The following ZIM2 variants were observed in gnomAD, a reference collection of about 807,000 sequenced individuals.
The protein encoded by ZIM2 is zinc finger protein 656.
In ZIM2, 14 loss-of-function variants were observed where a neutral mutation model predicts 38.6. The observed-to-expected ratio is 0.36, with a 90% CI of 0.24 to 0.57. The LOEUF is 0.57. ZIM2 is among the 20% of genes least tolerant of loss of function. The pLI, the probability that ZIM2 is intolerant of heterozygous loss-of-function variation, is 0.81. For missense variants in ZIM2, 680 were observed against 695.1 expected (o/e 0.98, Z 0.24); for synonymous variants, 247 against 245.8 (o/e 1.00, Z -0.04).
chr19:56,828,753 C>T (rs935841225), intron 2 of ZIM2, among the ~76,000 whole-genome samples: 1 of 152,190 alleles, frequency 6.6e-6, no homozygotes, highest in East Asian at 1.9e-4. Context: ...CACTAATACA[C>T]AGAGTTCCTA....
At chr19:56,806,353 T>G (rs1430392752) in intron 9 of ZIM2, among the ~76,000 whole-genome samples, 1 of 152,180 alleles carries the variant, frequency 6.6e-6, no homozygotes, top group Non-Finnish European at 1.5e-5. Context: ...AATACATGGC[T>G]TCCCTTTTTT....
At chr19:56,815,688 C>T (rs1324290677) in intron 9 of ZIM2, 7 of 1,614,016 alleles carry the variant, frequency 4.3e-6, no homozygotes, top group Non-Finnish European at 5.9e-6. Flanking sequence ...ATTCGCCATC[C>T]TTCTTAAACT....
At chr19:56,822,539 T>G in intron 6 of ZIM2, 2 of 512,326 alleles carry the variant, frequency 3.9e-6, no homozygotes, top group South Asian at 3.5e-5. Flanking sequence ...ACTGAGCAAA[T>G]AGTTTAGGTG....
intron 6 of ZIM2, among the ~76,000 whole-genome samples, chr19:56,822,306 T>C (rs1023948243): frequency 3.9e-5 from 6 of 152,308 alleles, no homozygotes; most frequent in Admixed American, 6.5e-5. Flanking sequence ...GGTGTGATGA[T>C]TGATTCCCTT....
chr19:56,809,683 T>C (rs2047969745), intron 9 of ZIM2, among the ~76,000 whole-genome samples: 1 of 152,140 alleles, frequency 6.6e-6, no homozygotes, highest in Non-Finnish European at 1.5e-5. Context: ...CAGGCAAGAG[T>C]CAGGAATAAA....
In ZIM2 at chr19:56,775,430, C is replaced by T. The variant is rs146296476; in HGVS notation, c.935G>A (p.Arg312Lys). 4.4e-5 allele frequency: 71 copies of T among 1,614,096 alleles called. No individual in the cohort carries two copies. The East Asian group carries it at 1.6e-3, about 35-fold the overall frequency. Residue 312 changes from arginine to lysine, a missense_variant, in exon 13 of 13, where the codon AGA becomes AAA. By Grantham distance (26) the Arg-to-Lys change is conservative. Coordinates refer to ENST00000629319, the MANE Select transcript of ZIM2 (RefSeq NM_001387356.1). ...MNDPKTLTPE[R>K]SYGSDEFERS... is the part of the protein sequence containing the mutation. ...CTCAAATTCATCACTGCCATAGCTT[C>T]TTTCCGGAGTGAGGGTCTTGGGGTC... is the stretch of plus-strand genomic sequence containing the variant.
intron 10 of ZIM2, among the ~76,000 whole-genome samples, chr19:56,783,920 T>C (rs1365319577): frequency 2.0e-5 from 3 of 152,166 alleles, no homozygotes; most frequent in East Asian, 1.9e-4. Flanking sequence ...AATCTGAATA[T>C]AGAAAATTGT....
intron 11 of ZIM2, among the ~76,000 whole-genome samples, chr19:56,780,822 T>A (rs2046298845): frequency 6.6e-6 from 1 of 152,206 alleles, no homozygotes; most frequent in Non-Finnish European, 1.5e-5. Context: ...TTGAAGAACT[T>A]CTTTTTCACC....
chr19:56,777,038 CTG>C (rs1347945773), intron 12 of ZIM2, among the ~76,000 whole-genome samples: 2 of 152,142 alleles, frequency 1.3e-5, no homozygotes, highest in African/African-American at 4.8e-5. Flanking sequence ...GATAAAAAGT[CTG>C]TGCTTTATAA....
chr19:56,807,165 T>G (rs953178481), intron 9 of ZIM2, among the ~76,000 whole-genome samples: 1 of 152,120 alleles, frequency 6.6e-6, no homozygotes, highest in African/African-American at 2.4e-5. Context: ...TAAGAAGACC[T>G]TGCATGGAGA....
Position 56,774,642 on chromosome 19 carries a change from G to C in ZIM2, c.*46C>G. The C allele has an allele frequency of 1.3e-6, 2 of 1,583,438 alleles. No individual in the cohort carries two copies. The highest frequency in any genetic ancestry group is 1.7e-6 in the Non-Finnish European group (2 of 1,164,004). On this transcript the variant is annotated 3_prime_UTR_variant, in exon 13 of 13. Transcript: ENST00000629319. Reference sequence around the variant, plus strand: ...TCTCACACTCACAACACTCTAGGAGGAAGCCAATAATGTTGAGAAAAGTGT... The same window carrying C: ...TCTCACACTCACAACACTCTAGGAGCAAGCCAATAATGTTGAGAAAAGTGT...
At chr19:56,795,160 T>G (rs988992113) in intron 9 of ZIM2, among the ~76,000 whole-genome samples, 1 of 152,134 alleles carries the variant, frequency 6.6e-6, no homozygotes, top group African/African-American at 2.4e-5. Context: ...GCTCAAGTGA[T>G]TCTCAAGCCT....
chr19:56,806,780 G>A (rs980138593), intron 9 of ZIM2, among the ~76,000 whole-genome samples: 2 of 152,176 alleles, frequency 1.3e-5, no homozygotes, highest in African/African-American at 4.8e-5. Flanking sequence ...AATGGGATTA[G>A]TGCCCTTATA....
chr19:56,810,772 G>C, intron 9 of ZIM2: 1 of 981,390 alleles, frequency 1.0e-6, no homozygotes, highest in Non-Finnish European at 1.2e-6. Flanking sequence ...ACAAGATAGA[G>C]GAAACAGATC....
chr19:56,789,762 T>C, intron 10 of ZIM2, 110 bp downstream of exon 10: 1 of 990,604 alleles, frequency 1.0e-6, no homozygotes, highest in Non-Finnish European at 1.4e-6. Flanking sequence ...GATATTTATA[T>C]AAAAACTTAA....
At chr19:56,837,944 G>A (rs934926768) in intron 1 of ZIM2, among the ~76,000 whole-genome samples, 5 of 152,198 alleles carry the variant, frequency 3.3e-5, no homozygotes, top group Non-Finnish European at 7.3e-5. Context: ...TTGAATGCCG[G>A]CTGCTCTATC....
chr19:56,819,267 T>C (rs996876966), intron 7 of ZIM2, among the ~76,000 whole-genome samples: 1 of 152,234 alleles, frequency 6.6e-6, no homozygotes, highest in Non-Finnish European at 1.5e-5. Context: ...CTCCATGGCA[T>C]AGCATGGCTA....
chr19:56,837,966 A>C (rs1310606384), intron 1 of ZIM2, among the ~76,000 whole-genome samples: 3 of 152,132 alleles, frequency 2.0e-5, no homozygotes, highest in Non-Finnish European at 4.4e-5. Context: ...GACAAGACAC[A>C]CATGCTATGG....
chr19:56,821,295 C>A (rs144542414), intron 7 of ZIM2, among the ~76,000 whole-genome samples: 1 of 152,334 alleles, frequency 6.6e-6, no homozygotes, highest in East Asian at 1.9e-4. Flanking sequence ...GCTCCCTGGC[C>A]AGTCTACTCT....
Sources: gnomAD v4.1 joint callset for allele counts (sites outside exome capture counted in the v4.1 genomes callset) on GRCh38, gnomAD v4.1.1 for gene constraint, MANE v1.5 for transcripts, NCBI Gene and HGNC (gene_info 2026-07-23, HGNC 2026-07-21) for gene names.